The following DCLK2 variants were observed in gnomAD, a reference collection of about 807,000 sequenced individuals.
DCLK2 encodes serine/threonine-protein kinase DCLK2.
In DCLK2, 31 loss-of-function variants were observed where a neutral mutation model predicts 78.4. The observed-to-expected ratio is 0.40, with a 90% CI of 0.30 to 0.53. The LOEUF (loss-of-function observed/expected upper bound fraction) is 0.53. Ranked by LOEUF, DCLK2 falls within the 20% of genes least tolerant of loss-of-function variation. DCLK2 has a pLI of 0.61. For synonymous variants in DCLK2, 407 were observed against 374.9 expected (o/e 1.09, Z -0.99); for missense variants, 872 against 973.7 (o/e 0.90, Z 1.39).
At chr4:150,197,911 A>G in intron 3 of DCLK2, 91 bp from the exon 4 acceptor site, 1 of 942,858 alleles carries the variant, frequency 1.1e-6, no homozygotes, top group Non-Finnish European at 1.6e-6. Context: ...ATTATCAGGT[A>G]ATAGTTCTGG....
intron 2 of DCLK2, among the ~76,000 whole-genome samples, chr4:150,136,975 TC>T (rs1733734084): frequency 7.5e-6 from 1 of 133,566 alleles, no homozygotes; most frequent in Non-Finnish European, 1.6e-5. Context: ...TTCTTCTTCT[TC>T]TTCTTTTTTT....
chr4:150,219,084 G>T (rs1460569161), intron 5 of DCLK2, among the ~76,000 whole-genome samples: 1 of 151,868 alleles, frequency 6.6e-6, no homozygotes, highest in Non-Finnish European at 1.5e-5. Context: ...TATACCTGTA[G>T]TCCCAGCTAC....
intron 2 of DCLK2, among the ~76,000 whole-genome samples, chr4:150,190,131 G>A (rs1738300921): frequency 6.6e-6 from 1 of 150,512 alleles, no homozygotes; most frequent in Admixed American, 6.7e-5. Context: ...GGTTGTGGAG[G>A]TTGTGGCTGC....
intron 1 of DCLK2, among the ~76,000 whole-genome samples, chr4:150,088,254 G>A (rs1201584363): frequency 2.0e-5 from 3 of 152,170 alleles, no homozygotes; most frequent in Non-Finnish European, 4.4e-5. Flanking sequence ...TTGAGAAATA[G>A]TACAGTGTAA....
intron 4 of DCLK2, among the ~76,000 whole-genome samples, chr4:150,198,621 C>T (rs777235107): frequency 2.0e-5 from 3 of 152,010 alleles, no homozygotes; most frequent in Non-Finnish European, 2.9e-5. Flanking sequence ...AAGTTTCTTG[C>T]GAGTCTTAAG....
chr4:150,252,434 C>G (rs192649624), intron 15 of DCLK2, among the ~76,000 whole-genome samples: 2 of 152,192 alleles, frequency 1.3e-5, no homozygotes, highest in East Asian at 3.9e-4. Context: ...TGCTCGGAGA[C>G]TGTGAAGGGA....
intron 5 of DCLK2, among the ~76,000 whole-genome samples, chr4:150,215,572 G>T (rs1023979113): frequency 1.3e-5 from 2 of 152,184 alleles, no homozygotes; most frequent in Admixed American, 6.5e-5. Flanking sequence ...GGCGAGGTAT[G>T]GGGGAAGGCA....
At chr4:150,156,745 A>T (rs563625361) in intron 2 of DCLK2, among the ~76,000 whole-genome samples, 1,026 of 33,266 alleles carry the variant, frequency 0.031, 44 homozygotes, top group Admixed American at 0.17. Flanking sequence ...TAACTATTTT[A>T]TTTATTTATT....
intron 5 of DCLK2, chr4:150,209,701 A>T (rs907410488): frequency 6.6e-6 from 1 of 152,254 alleles, no homozygotes; most frequent in East Asian, 1.9e-4. Context: ...GATCAAAAGC[A>T]CGTGAAATGT....
chr4:150,122,043 T>C (rs899736223), intron 2 of DCLK2, among the ~76,000 whole-genome samples: 1 of 152,222 alleles, frequency 6.6e-6, no homozygotes, highest in African/African-American at 2.4e-5. Context: ...GTAGAGTAGA[T>C]TTACTATAAT....
At chr4:150,145,282 T>A (rs1580591263) in intron 2 of DCLK2, among the ~76,000 whole-genome samples, 1 of 152,168 alleles carries the variant, frequency 6.6e-6, no homozygotes, top group South Asian at 2.1e-4. Flanking sequence ...CCCCCAGGGT[T>A]TACTGGGAGG....
intron 2 of DCLK2, among the ~76,000 whole-genome samples, chr4:150,106,741 T>C (rs1731283092): frequency 2.0e-5 from 3 of 152,222 alleles, no homozygotes; most frequent in African/African-American, 7.2e-5. Flanking sequence ...GACATGATGG[T>C]GTGTCATGTG....
chr4:150,098,016 T>A, intron 1 of DCLK2, among the ~76,000 whole-genome samples: 1 of 152,174 alleles, frequency 6.6e-6, no homozygotes, highest in East Asian at 1.9e-4. Flanking sequence ...GAACACACCT[T>A]ATAAGATACC....
At chr4:150,142,446 A>T (rs1378560782) in intron 2 of DCLK2, among the ~76,000 whole-genome samples, 1 of 152,214 alleles carries the variant, frequency 6.6e-6, no homozygotes, top group Admixed American at 6.5e-5. Flanking sequence ...AGAAAAATAT[A>T]TAGTGTTTAC....
chr4:150,119,116 G>A (rs1732336805), intron 2 of DCLK2, among the ~76,000 whole-genome samples: 2 of 151,900 alleles, frequency 1.3e-5, no homozygotes, highest in South Asian at 4.1e-4. Context: ...TTTTTAAATA[G>A]CATGGTTTTT....
intron 2 of DCLK2, among the ~76,000 whole-genome samples, chr4:150,174,230 C>G (rs1334335232): frequency 6.6e-6 from 1 of 152,210 alleles, no homozygotes; most frequent in Admixed American, 6.5e-5. Flanking sequence ...AGCACTTCCC[C>G]TACTGAGTAG....
chr4:150,242,930 G>A (rs1290048225), intron 12 of DCLK2, among the ~76,000 whole-genome samples: 2 of 151,138 alleles, frequency 1.3e-5, no homozygotes, highest in African/African-American at 4.8e-5. Flanking sequence ...AAGTGGAGAA[G>A]GGGAATGCAT....
intron 8 of DCLK2, among the ~76,000 whole-genome samples, chr4:150,229,417 A>T (rs546151184): frequency 6.6e-6 from 1 of 152,288 alleles, no homozygotes; most frequent in Admixed American, 6.5e-5. Flanking sequence ...GAATGGATGG[A>T]TTCAGAGGCC....
chr4:150,085,256 T>G (rs1729560332), intron 1 of DCLK2, among the ~76,000 whole-genome samples: 1 of 152,086 alleles, frequency 6.6e-6, no homozygotes, highest in African/African-American at 2.4e-5. Flanking sequence ...CTTTGGGAGG[T>G]GTCTTGGTTC....
Sources: allele counts gnomAD v4.1 joint callset (sites outside exome capture counted in the v4.1 genomes callset), GRCh38; gene constraint gnomAD v4.1.1; transcripts MANE v1.5; gene names NCBI Gene and HGNC (gene_info 2026-07-23, HGNC 2026-07-21).